The following OPCML variants were observed in gnomAD, a reference collection of about 807,000 sequenced individuals.
The protein encoded by OPCML is opioid binding protein/cell adhesion molecule like.
In OPCML, 13 loss-of-function variants were observed where a neutral mutation model predicts 37.8. That is an observed-to-expected ratio of 0.34 (90% CI 0.22 to 0.55). OPCML has a LOEUF of 0.55. Ranked by LOEUF, OPCML falls within the 20% of genes least tolerant of loss-of-function variation. OPCML has a pLI of 0.91. For missense variants in OPCML, 341 were observed against 435.6 expected (o/e 0.78, Z 1.93); for synonymous variants, 176 against 168.8 (o/e 1.04, Z -0.33).
At chr11:132,858,004 G>A (rs1009564979) in intron 2 of OPCML, among the ~76,000 whole-genome samples, 4 of 152,138 alleles carry the variant, frequency 2.6e-5, no homozygotes, top group East Asian at 3.9e-4. Context: ...TTAGGAAGCC[G>A]GTGGGTTATG....
intron 1 of OPCML, among the ~76,000 whole-genome samples, chr11:132,997,126 G>T (rs1946902737): frequency 1.3e-5 from 2 of 152,124 alleles, no homozygotes; most frequent in African/African-American, 4.8e-5. Flanking sequence ...TAGTCTTCTT[G>T]TCTGCTTATT....
At chr11:133,518,220 T>TG (rs899529687) in intron 1 of OPCML, among the ~76,000 whole-genome samples, 2 of 150,928 alleles carry the variant, frequency 1.3e-5, no homozygotes, top group African/African-American at 2.4e-5. Context: ...TATAAGTGTG[T>TG]GGGGGGGTGT....
rs188282438 is a variant in OPCML at position 132,760,548 on chromosome 11, T to C, written c.147-103229A>G. ...TGTTGCATTGATTCCTTTACCATTA[T>C]GTAATGCCCTTCTTTTTTTTTTTTT... On this transcript the variant is annotated intron_variant, in intron 2 of 7. Transcript: ENST00000524381. Among the ~76,000 whole-genome samples the C allele has an allele frequency of 3.9e-3, 585 of 151,836 alleles. 7 individuals are homozygous for C. Among genetic ancestry groups the C allele is most frequent in the African/African-American group, 0.014 (561 of 41,412 alleles).
intron 4 of OPCML, among the ~76,000 whole-genome samples, chr11:132,456,568 A>G (rs530210513): frequency 2.0e-5 from 3 of 152,306 alleles, no homozygotes; most frequent in Admixed American, 6.5e-5. Context: ...ACATTAGCCC[A>G]TAATCCACAA....
intron 1 of OPCML, among the ~76,000 whole-genome samples, chr11:132,974,056 G>A (rs979046188): frequency 6.6e-6 from 1 of 152,050 alleles, no homozygotes; most frequent in Admixed American, 6.5e-5. Flanking sequence ...GTCCCTCCTC[G>A]CATAATCACT....
At chr11:132,867,176 T>G (rs752523189) in intron 2 of OPCML, among the ~76,000 whole-genome samples, 1 of 152,236 alleles carries the variant, frequency 6.6e-6, no homozygotes, top group African/African-American at 2.4e-5. Context: ...ATAATCTGAA[T>G]GTTCTTGCAC....
rs115844579 is a variant in OPCML at position 132,468,051 on chromosome 11, G to A, written c.506-30692C>T. Among the ~76,000 whole-genome samples the A allele has an allele frequency of 5.9e-5, 9 of 152,234 alleles. No individual in the cohort carries two copies. In the South Asian group the frequency reaches 6.2e-4, roughly 11 times the overall value. Reference sequence around the variant, plus strand: ...GTGACCTACAGGTTGAAAGGAAGGCGTACTCCTTCATTTGGACAAAGCTAA... The same window carrying A: ...GTGACCTACAGGTTGAAAGGAAGGCATACTCCTTCATTTGGACAAAGCTAA... On this transcript the variant is annotated intron_variant, in intron 4 of 7. Transcript: ENST00000524381.
intron 4 of OPCML, among the ~76,000 whole-genome samples, chr11:132,445,501 G>C (rs751379010): frequency 4.6e-5 from 7 of 151,630 alleles, no homozygotes; most frequent in Non-Finnish European, 1.0e-4. Context: ...GGTGGAGGCA[G>C]AAGAAGGGAT....
At chr11:132,954,560 C>T (rs75040072) in intron 1 of OPCML, among the ~76,000 whole-genome samples, 12,658 of 152,130 alleles carry the variant, frequency 0.083, 706 homozygotes, top group South Asian at 0.23. Context: ...ATAGTTGATA[C>T]TGAGTAGAGG....
intron 1 of OPCML, among the ~76,000 whole-genome samples, chr11:133,469,423 C>T (rs7481213): frequency 0.19 from 28,794 of 152,104 alleles, 2,833 homozygotes; most frequent in Admixed American, 0.23. Context: ...GCTGTACCAC[C>T]TAGGTGTGTA....
intron 1 of OPCML, among the ~76,000 whole-genome samples, chr11:133,015,198 C>T (rs1466338103): frequency 5.9e-5 from 9 of 151,944 alleles, no homozygotes; most frequent in Admixed American, 5.9e-4. Context: ...AGTGATAGAT[C>T]AATTGATCAA....
At chr11:132,626,962 A>G (rs1355305835) in intron 3 of OPCML, among the ~76,000 whole-genome samples, 1 of 151,586 alleles carries the variant, frequency 6.6e-6, no homozygotes. Flanking sequence ...TTCCTGATAT[A>G]TTCAAATGAT....
In OPCML at chr11:133,420,189, A is replaced by G. The variant is rs374066085; in HGVS notation, c.61+112075T>C. The G allele has an allele frequency of 1.1e-5, 10 of 885,776 alleles. No homozygotes were observed. The East Asian group carries it at 7.2e-4, about 64-fold the overall frequency. 54.9% of individuals were successfully genotyped at this position (885,776 alleles called of 1,614,324 possible). A position where few individuals can be genotyped will look rare whatever the true frequency, so the allele number is the denominator to read the frequency against. On this transcript the variant is annotated intron_variant, in intron 1 of 7. Coordinates refer to ENST00000524381, the MANE Select transcript of OPCML (RefSeq NM_001012393.5). ...CACATACACAGACAAACACACACAC[A>G]AGTACTTTTTTTTTTTCCTCAGAGA...
At position 133,208,143 on chromosome 11, in the gene OPCML, T is replaced by C. The variant is rs1939187436; in HGVS notation, c.62-265133A>G. 1.3e-5 allele frequency among the ~76,000 whole-genome samples: 2 copies of C among 152,222 alleles called. No individual in the cohort carries two copies. The highest frequency in any genetic ancestry group is 4.1e-4 in the South Asian group (2 of 4,830). ...GTAATAGCTTATTTAGCTGTTGGTCTTCCTTACTGTATTATACATTATGCT... is the reference window on the plus strand; with the variant it reads ...GTAATAGCTTATTTAGCTGTTGGTCCTCCTTACTGTATTATACATTATGCT... On this transcript the variant is annotated intron_variant, in intron 1 of 7. Transcript: ENST00000524381. The surrounding 1 kb of genome is among the most constrained non-coding windows in gnomAD (Gnocchi z 8.9).
At chr11:132,980,840 A>G (rs11223311) in intron 1 of OPCML, among the ~76,000 whole-genome samples, 27,818 of 152,236 alleles carry the variant, frequency 0.18, 2,840 homozygotes, top group African/African-American at 0.23. Context: ...GTGAATTTCG[A>G]GGTGTACGGT....
chr11:132,844,970 TTTTTTGTTTTTG>T (rs1392089774), intron 2 of OPCML, among the ~76,000 whole-genome samples: 2 of 151,908 alleles, frequency 1.3e-5, no homozygotes, highest in African/African-American at 4.8e-5. Flanking sequence ...AACCTATTTT[TTTTTTGTTTTTG>T]TTTTTGTTTT....
At chr11:132,931,462 G>A (rs1487752901) in intron 2 of OPCML, among the ~76,000 whole-genome samples, 5 of 152,000 alleles carry the variant, frequency 3.3e-5, no homozygotes, top group East Asian at 3.9e-4. Context: ...AACTACAAAC[G>A]TTGAAAAACA....
chr11:133,529,285 G>A (rs1236095028), intron 1 of OPCML, among the ~76,000 whole-genome samples: 1 of 152,178 alleles, frequency 6.6e-6, no homozygotes, highest in Non-Finnish European at 1.5e-5. Flanking sequence ...AGGTGATTCT[G>A]ATGCACATAT....
intron 2 of OPCML, among the ~76,000 whole-genome samples, chr11:132,672,874 T>C (rs968151469): frequency 2.0e-5 from 3 of 152,188 alleles, no homozygotes; most frequent in Non-Finnish European, 4.4e-5. Context: ...CATATTGAGA[T>C]GTTTTGAAAA....
Sources: gnomAD v4.1 joint callset for allele counts (sites outside exome capture counted in the v4.1 genomes callset) on GRCh38, gnomAD v4.1.1 for gene constraint, Gnocchi (gnomAD v3.1) non-coding constraint, MANE v1.5 for transcripts, NCBI Gene and HGNC (gene_info 2026-07-23, HGNC 2026-07-21) for gene names.